Variants in FN1 observed in about 807,000 individuals in gnomAD.
FN1 encodes fibronectin.
A neutral mutation model predicts 297.3 loss-of-function variants in FN1; 106 were observed. The ratio of observed to expected loss-of-function variants is 0.36; its 90% CI spans 0.30 to 0.42. The LOEUF is 0.42. Among genes scored for constraint, FN1 ranks in the 10% least tolerant of loss-of-function variants. FN1 has a pLI of 1.00. For missense variants in FN1, 2,690 were observed against 3,124.9 expected, an observed-to-expected ratio of 0.86 and a Z score of 3.32; for synonymous variants, 1,149 against 1,152.6, an observed-to-expected ratio of 1.00 and a Z score of 0.06.
At chr2:215,432,058 A>G in intron 3 of FN1, 94 bp from the exon 4 acceptor site, 1 of 1,460,504 alleles carries the variant, frequency 6.8e-7, no homozygotes, top group Admixed American at 1.7e-5. Flanking sequence ...TAGGTTGGCT[A>G]AAGTAGAGAC....
In FN1 at chr2:215,404,673, A is replaced by C; in HGVS notation, c.2987-18T>G. 1 of 1,609,474 alleles carries C rather than the reference A, an allele frequency of 6.2e-7. No individual in the cohort carries two copies. Among genetic ancestry groups the C allele is most frequent in the Non-Finnish European group, 8.5e-7 (1 of 1,175,824 alleles). On this transcript the variant is annotated intron_variant, in intron 19 of 45. Transcript: ENST00000354785. ...ATCCAGTTCTAGGAAAAAAGATGAA[A>C]CATGCCAAGAAATATTTAGATCAGT...
Position 215,385,284 on chromosome 2 carries a change from G to A in FN1, c.4613-308C>T, listed in dbSNP as rs747511822. Among the ~76,000 whole-genome samples the A allele has an allele frequency of 5.3e-3, 802 of 150,754 alleles. 17 individuals are homozygous for A. The highest frequency in any genetic ancestry group is 4.4e-3 in the Non-Finnish European group (296 of 67,774). On this transcript the variant is annotated intron_variant, in intron 28 of 45. Transcript: ENST00000354785. The stretch of plus-strand genomic sequence containing the variant: ...AAAAAAAAAAAAGTGATACAAGGCC[G>A]GGCGTGGTGGCTCACGCCTGTAATC...
At chr2:215,385,251 A>G (rs1162247832) in intron 28 of FN1, among the ~76,000 whole-genome samples, 11 of 10,822 alleles carry the variant, frequency 1.0e-3, no homozygotes, top group Middle Eastern at 0.029. Context: ...GAAAAGTTAA[A>G]AAAAAAAAAA....
At chr2:215,361,804 ATTATAAC>A (rs2053503528) in intron 45 of FN1, 158 bp downstream of exon 45, 1 of 571,626 alleles carries the variant, frequency 1.7e-6, no homozygotes, top group Non-Finnish European at 2.2e-6. Flanking sequence ...AGTTACATAA[ATTATAAC>A]TTAAACTATA....
chr2:215,412,489 T>C (rs1244149645), intron 13 of FN1, among the ~76,000 whole-genome samples: 1 of 152,114 alleles, frequency 6.6e-6, no homozygotes, highest in African/African-American at 2.4e-5. Flanking sequence ...CAGGCTGGAG[T>C]GCAGTAGTGC....
intron 5 of FN1, among the ~76,000 whole-genome samples, 200 bp from the exon 6 acceptor site, chr2:215,428,538 G>C (rs1281083294): frequency 6.6e-6 from 1 of 152,154 alleles, no homozygotes; most frequent in South Asian, 2.1e-4. Flanking sequence ...GAATGGTTTA[G>C]TCTAGTTTCA....
At chr2:215,401,227 A>AAGG (rs1559474709) in intron 20 of FN1, among the ~76,000 whole-genome samples, 17 of 56,544 alleles carry the variant, frequency 3.0e-4, no homozygotes, top group African/African-American at 1.1e-3. Context: ...AGAAAGAAAG[A>AAGG]AAGAAAGAAA....
At chr2:215,421,864 T>TA (rs2064445632) in intron 10 of FN1, among the ~76,000 whole-genome samples, 1 of 152,216 alleles carries the variant, frequency 6.6e-6, no homozygotes, top group South Asian at 2.1e-4. Context: ...CCTAAGTACT[T>TA]ACATGCTAGG....
intron 26 of FN1, among the ~76,000 whole-genome samples, 184 bp downstream of exon 26, chr2:215,391,448 G>A (rs1331191644): frequency 6.6e-6 from 1 of 152,170 alleles, no homozygotes; most frequent in Non-Finnish European, 1.5e-5. Context: ...GATATCAAAA[G>A]TATATTAAGA....
intron 32 of FN1, chr2:215,381,781 C>T (rs1215385176): frequency 1.7e-5 from 5 of 288,206 alleles, no homozygotes; most frequent in Non-Finnish European, 3.3e-5. Flanking sequence ...GGTTCTTACA[C>T]TCTTCTTTTC....
At chr2:215,401,197 GAAAAGAAA>G (rs772216215) in intron 20 of FN1, among the ~76,000 whole-genome samples, 1,349 of 77,420 alleles carry the variant, frequency 0.017, 24 homozygotes, top group African/African-American at 0.026. Flanking sequence ...GAGAAAGAAA[GAAAAGAAA>G]GAAAGAAAGA....
chr2:215,405,314 C>T (rs548295334), intron 19 of FN1, among the ~76,000 whole-genome samples: 2 of 152,082 alleles, frequency 1.3e-5, no homozygotes, highest in Non-Finnish European at 2.9e-5. Context: ...AAGAGGCAGT[C>T]GAGTATAATA....
chr2:215,435,546 GCGCACACACT>G (rs1286623632), intron 1 of FN1, 99 bp downstream of exon 1: 5 of 1,495,014 alleles, frequency 3.3e-6, no homozygotes, highest in South Asian at 2.4e-5. Flanking sequence ...TCAGTAAAGC[GCGCACACACT>G]CGCACACACG....
intron 35 of FN1, among the ~76,000 whole-genome samples, chr2:215,377,736 C>T (rs1373961211): frequency 2.0e-5 from 3 of 152,130 alleles, no homozygotes; most frequent in Non-Finnish European, 4.4e-5. Flanking sequence ...GTGGGGTCTC[C>T]CCAAGCTTAG....
intron 17 of FN1, among the ~76,000 whole-genome samples, chr2:215,407,898 T>G (rs2061978779): frequency 6.6e-6 from 1 of 150,422 alleles, no homozygotes; most frequent in Non-Finnish European, 1.5e-5. Flanking sequence ...TATAAGGGAG[T>G]TGGTGAAATG....
chr2:215,428,308 G>C lies in FN1; in HGVS notation c.716C>G (p.Ser239Cys). The change falls in exon 6 of 46, where the codon TCC (serine) becomes TGC (cysteine). Residue 239 changes from serine to cysteine, a missense_variant. Physicochemically the swap from Ser to Cys is moderately radical, Grantham distance 112 (BLOSUM62 -1). This residue lies in a region of FN1 where 876 missense variants were observed against 1,058.1 expected (regional missense o/e 0.83). Transcript: ENST00000354785. ...GCTCCAGGTGTCTCCAATTCTATAG[G>C]ATGTCCTTGTGTCCTGATCGTTGCA... ...NRCNDQDTRT[S>C]YRIGDTWSKK... 1 of 1,614,120 alleles carries C rather than the reference G, an allele frequency of 6.2e-7. No individual in the cohort carries two copies. Among genetic ancestry groups the C allele is most frequent in the Non-Finnish European group, 8.5e-7 (1 of 1,180,002 alleles).
Position 215,404,469 on chromosome 2 carries a change from G to T in FN1, c.3173C>A (p.Pro1058His). The change falls in exon 20 of 46, where the codon CCT (proline) becomes CAT (histidine). Residue 1058 changes from proline to histidine, a missense_variant. Coordinates refer to ENST00000354785, the MANE Select transcript of FN1 (RefSeq NM_212482.4). Reference protein sequence around the residue: ...VSKYPLRNLQPASEYTVSLVA... With the variant: ...VSKYPLRNLQHASEYTVSLVA... The stretch of plus-strand genomic sequence containing the variant: ...GAGGGATACGGTGTACTCAGATGCA[G>T]GCTGCAGATTCCTCAGTGGGTACTT... 1 of 1,614,086 alleles carries T rather than the reference G, an allele frequency of 6.2e-7. No individual in the cohort carries two copies. The highest frequency in any genetic ancestry group is 1.7e-5 in the Admixed American group (1 of 60,002).
At chr2:215,400,921 A>AG (rs2060933255) in intron 20 of FN1, among the ~76,000 whole-genome samples, 1 of 151,106 alleles carries the variant, frequency 6.6e-6, no homozygotes, top group African/African-American at 2.4e-5. Context: ...TCAGACTCCC[A>AG]AGTAGCTGGG....
At chr2:215,434,110 A>G (rs772900400) in intron 2 of FN1, among the ~76,000 whole-genome samples, 1 of 152,188 alleles carries the variant, frequency 6.6e-6, no homozygotes, top group Non-Finnish European at 1.5e-5. Context: ...CAAAAACAAA[A>G]CAAAACAAAA....
Sources: allele counts gnomAD v4.1 joint callset (sites outside exome capture counted in the v4.1 genomes callset), GRCh38; gene constraint gnomAD v4.1.1; regional missense constraint gnomAD v4.1.1; transcripts MANE v1.5; gene names NCBI Gene and HGNC (gene_info 2026-07-23, HGNC 2026-07-21).